Variants in CRADD observed in about 807,000 individuals in gnomAD.
CRADD encodes the protein death domain-containing protein CRADD.
A neutral mutation model predicts 15.5 loss-of-function variants in CRADD; 9 were observed. The ratio of observed to expected loss-of-function variants is 0.58; its 90% CI spans 0.35 to 1.01. The LOEUF is 1.01. Among genes scored for constraint, CRADD ranks in the 50% least tolerant of loss-of-function variants. The pLI is 0.02. For synonymous variants in CRADD, 118 were observed against 107.6 expected, an observed-to-expected ratio of 1.10 and a Z score of -0.60; for missense variants, 227 against 250.3, an observed-to-expected ratio of 0.91 and a Z score of 0.63.
intron 2 of CRADD, among the ~76,000 whole-genome samples, chr12:93,740,267 A>G (rs549871022): frequency 1.5e-4 from 23 of 152,180 alleles, no homozygotes; most frequent in Non-Finnish European, 2.9e-4. Flanking sequence ...ATGAGCTGAA[A>G]TGAGATAGTG....
chr12:93,714,780 G>C (rs566381566), intron 2 of CRADD: 4 of 152,366 alleles, frequency 2.6e-5, no homozygotes, highest in Admixed American at 2.6e-4. Context: ...GGGAAAAGAA[G>C]TAGTCTTTCC....
At chr12:93,698,754 A>G (rs1419151773) in intron 2 of CRADD, among the ~76,000 whole-genome samples, 1 of 152,216 alleles carries the variant, frequency 6.6e-6, no homozygotes, top group Non-Finnish European at 1.5e-5. Flanking sequence ...GATGCTAAAA[A>G]TAGTTTGTGC....
chr12:93,839,825 A>ATTGGTCTTAGACATTAGCC (rs1364233570), intron 2 of CRADD, among the ~76,000 whole-genome samples: 2 of 152,082 alleles, frequency 1.3e-5, no homozygotes, highest in Middle Eastern at 3.2e-3. Context: ...TGTTTCCCTT[A>ATTGGTCTTAGACATTAGCC]TTGGTCTTAG....
chr12:93,847,708 G>C (rs1593042045), intron 2 of CRADD, among the ~76,000 whole-genome samples: 1 of 151,986 alleles, frequency 6.6e-6, no homozygotes, highest in Non-Finnish European at 1.5e-5. Flanking sequence ...TTAAAGAAAT[G>C]TATAACTATT....
intron 2 of CRADD, among the ~76,000 whole-genome samples, chr12:93,787,015 A>T (rs1025875616): frequency 1.2e-4 from 18 of 152,114 alleles, no homozygotes; most frequent in Admixed American, 1.3e-4. Flanking sequence ...ATTGTGTATG[A>T]GTCCACTTTG....
intron 2 of CRADD, among the ~76,000 whole-genome samples, chr12:93,843,174 G>C (rs929178691): frequency 8.5e-5 from 13 of 152,198 alleles, no homozygotes; most frequent in African/African-American, 3.1e-4. Flanking sequence ...CAATTAGAAG[G>C]TGCAAGCCAG....
At chr12:93,885,458 G>T (rs1156230619) in intron 2 of CRADD, among the ~76,000 whole-genome samples, 2 of 151,282 alleles carry the variant, frequency 1.3e-5, no homozygotes, top group Non-Finnish European at 2.9e-5. Context: ...CCCCAGTCTG[G>T]TGCTTTTTCC....
chr12:93,831,009 G>A (rs530910619), intron 2 of CRADD: 1 of 152,272 alleles, frequency 6.6e-6, no homozygotes, highest in Admixed American at 6.5e-5. Context: ...GTGAGATTGG[G>A]CATATTTGAA....
At chr12:93,730,169 G>A (rs1438989011) in intron 2 of CRADD, among the ~76,000 whole-genome samples, 3 of 152,152 alleles carry the variant, frequency 2.0e-5, no homozygotes, top group Non-Finnish European at 2.9e-5. Context: ...TGTGCAATGA[G>A]GACAGTCCAA....
At chr12:93,680,704 G>T (rs1364650239) in intron 2 of CRADD, among the ~76,000 whole-genome samples, 1 of 152,130 alleles carries the variant, frequency 6.6e-6, no homozygotes, top group Non-Finnish European at 1.5e-5. Context: ...TTGGAGAAAT[G>T]TTAAAAAATT....
At chr12:93,690,553 G>T (rs1955540211) in intron 2 of CRADD, among the ~76,000 whole-genome samples, 1 of 152,230 alleles carries the variant, frequency 6.6e-6, no homozygotes, top group Admixed American at 6.5e-5. Flanking sequence ...TTTAGAAAGA[G>T]AATTTGAATT....
In CRADD at chr12:93,734,263, T is replaced by G. The variant is rs141888869; in HGVS notation, c.298+55191T>G. Among the ~76,000 whole-genome samples the G allele has an allele frequency of 2.2e-3, 332 of 152,338 alleles. 2 individuals carry two copies. The highest frequency in any genetic ancestry group is 7.6e-3 in the African/African-American group (318 of 41,580). The stretch of plus-strand genomic sequence containing the variant: ...AGTCCCTTCCCTCAAGGAGCTTACA[T>G]TTTAGAGATTCAAAGCATTTTCAAA... On this transcript the variant is annotated intron_variant, in intron 2 of 2. Coordinates refer to ENST00000332896, the MANE Select transcript of CRADD (RefSeq NM_003805.5).
chr12:93,703,374 T>C (rs569385564), intron 2 of CRADD, among the ~76,000 whole-genome samples: 1 of 151,498 alleles, frequency 6.6e-6, no homozygotes, highest in African/African-American at 2.4e-5. Flanking sequence ...TTTTTTTTTT[T>C]TGAGACAGGG....
At chr12:93,764,749 T>C (rs1285969599) in intron 2 of CRADD, among the ~76,000 whole-genome samples, 1 of 151,476 alleles carries the variant, frequency 6.6e-6, no homozygotes, top group African/African-American at 2.4e-5. Context: ...TTTTTTTGTC[T>C]ACAGGGAGTG....
chr12:93,822,117 C>A (rs1217261744), intron 2 of CRADD, among the ~76,000 whole-genome samples: 76 of 140,808 alleles, frequency 5.4e-4, no homozygotes, highest in Non-Finnish European at 4.5e-4. Context: ...GACTCAGTCT[C>A]AAAAAAAAAA....
Position 93,690,152 on chromosome 12 carries a change from C to T in CRADD, c.298+11080C>T, listed in dbSNP as rs1396002211. Among the ~76,000 whole-genome samples, 4 of 152,232 alleles carry T rather than the reference C, an allele frequency of 2.6e-5. No homozygotes were observed. In the East Asian group the frequency reaches 5.8e-4, roughly 22 times the overall value. ...ATGGTCATCTTCAATCAAGTTTCTACACTGTACCTTCCTTCCAGATTCAGA... is the reference window on the plus strand; with the variant it reads ...ATGGTCATCTTCAATCAAGTTTCTATACTGTACCTTCCTTCCAGATTCAGA... On this transcript the variant is annotated intron_variant, in intron 2 of 2. Transcript: ENST00000332896.
At chr12:93,865,850 C>T (rs1471649870) in intron 2 of CRADD, among the ~76,000 whole-genome samples, 1 of 151,908 alleles carries the variant, frequency 6.6e-6, no homozygotes, top group East Asian at 1.9e-4. Flanking sequence ...TTTTGATTCA[C>T]AGTTGGTTGA....
At chr12:93,814,355 T>C (rs1014263620) in intron 2 of CRADD, among the ~76,000 whole-genome samples, 6 of 152,176 alleles carry the variant, frequency 3.9e-5, no homozygotes, top group Non-Finnish European at 8.8e-5. Flanking sequence ...CTTCACTCTC[T>C]GTTCATGCGA....
chr12:93,791,131 A>G (rs1242846879), intron 2 of CRADD, among the ~76,000 whole-genome samples: 1 of 152,198 alleles, frequency 6.6e-6, no homozygotes. Context: ...AAAACTAAAA[A>G]TGGAACTATC....
Sources: gnomAD v4.1 joint callset for allele counts (sites outside exome capture counted in the v4.1 genomes callset) on GRCh38, gnomAD v4.1.1 for gene constraint, MANE v1.5 for transcripts, NCBI Gene and HGNC (gene_info 2026-07-23, HGNC 2026-07-21) for gene names.